PRKG1: variants seen among roughly 807,000 people sequenced by gnomAD.
The protein encoded by PRKG1 is protein kinase cGMP-dependent 1.
Under a neutral mutation model 88.1 loss-of-function variants are expected in PRKG1, and 35 were observed. That is an observed-to-expected ratio of 0.40 (90% CI 0.30 to 0.53). The LOEUF (loss-of-function observed/expected upper bound fraction) is 0.53, where lower values mean the gene tolerates loss of function less well. PRKG1 is among the 20% of genes least tolerant of loss of function. The pLI, the probability that PRKG1 is intolerant of heterozygous loss-of-function variation, is 0.59. For missense variants in PRKG1, 540 were observed against 839.8 expected (o/e 0.64, Z 4.41); for synonymous variants, 303 against 292.5 (o/e 1.04, Z -0.37).
At chr10:51,128,374 G>A (rs768922732) in intron 1 of PRKG1, among the ~76,000 whole-genome samples, 3 of 152,104 alleles carry the variant, frequency 2.0e-5, no homozygotes, top group Non-Finnish European at 2.9e-5. Flanking sequence ...TTAAGAATAC[G>A]TTCATTATTT....
At chr10:52,259,743 A>G (rs1411093718) in intron 10 of PRKG1, among the ~76,000 whole-genome samples, 1 of 152,092 alleles carries the variant, frequency 6.6e-6, no homozygotes, top group African/African-American at 2.4e-5. Flanking sequence ...AGTTAAACAA[A>G]GGAGAGCCAC....
At chr10:51,416,403 A>G (rs1203097355) in intron 2 of PRKG1, among the ~76,000 whole-genome samples, 1 of 152,142 alleles carries the variant, frequency 6.6e-6, no homozygotes, top group Non-Finnish European at 1.5e-5. Context: ...ATATAATGAA[A>G]ACTTCTGGAT....
intron 10 of PRKG1, among the ~76,000 whole-genome samples, chr10:52,267,717 A>T (rs979032377): frequency 6.6e-6 from 1 of 152,034 alleles, no homozygotes; most frequent in Non-Finnish European, 1.5e-5. Context: ...ATGCATGCTG[A>T]CTTGTAATCA....
intron 9 of PRKG1, among the ~76,000 whole-genome samples, chr10:52,205,340 G>T (rs1839791740): frequency 6.6e-6 from 1 of 152,052 alleles, no homozygotes; most frequent in Non-Finnish European, 1.5e-5. Flanking sequence ...TATGGCTCAG[G>T]GGGCATCACA....
chr10:51,614,823 T>C (rs750826463), intron 3 of PRKG1, among the ~76,000 whole-genome samples: 56 of 152,224 alleles, frequency 3.7e-4, no homozygotes, highest in South Asian at 1.2e-3. Flanking sequence ...TCTCAAGTTT[T>C]GCTTGTCTGG....
intron 4 of PRKG1, among the ~76,000 whole-genome samples, chr10:51,856,833 C>T (rs1470663198): frequency 6.6e-6 from 1 of 151,826 alleles, no homozygotes; most frequent in Non-Finnish European, 1.5e-5. Context: ...GGCATGGTGG[C>T]GGGTGCCTTA....
At chr10:51,357,526 G>A (rs1255884903) in intron 2 of PRKG1, among the ~76,000 whole-genome samples, 1 of 151,910 alleles carries the variant, frequency 6.6e-6, no homozygotes, top group African/African-American at 2.4e-5. Context: ...CGGACATTCA[G>A]TTAAGGCAAC....
intron 7 of PRKG1, among the ~76,000 whole-genome samples, chr10:52,066,153 A>AT (rs1245486953): frequency 1.3e-5 from 2 of 151,590 alleles, no homozygotes; most frequent in African/African-American, 4.9e-5. Flanking sequence ...TGGTCCTTTT[A>AT]TTTTTTTCTT....
chr10:51,604,130 A>G (rs1300320406), intron 3 of PRKG1, among the ~76,000 whole-genome samples: 10 of 146,564 alleles, frequency 6.8e-5, no homozygotes, highest in Admixed American at 3.4e-4. Flanking sequence ...CCTCTTCCTT[A>G]CCACACCAGT....
intron 3 of PRKG1, among the ~76,000 whole-genome samples, chr10:51,695,278 T>C (rs1841258859): frequency 1.3e-5 from 2 of 152,170 alleles, no homozygotes; most frequent in Non-Finnish European, 2.9e-5. Flanking sequence ...ATGTTGCTTA[T>C]ACCAACCACA....
intron 2 of PRKG1, among the ~76,000 whole-genome samples, chr10:51,338,463 C>T (rs1159672922): frequency 2.6e-5 from 4 of 152,008 alleles, no homozygotes; most frequent in African/African-American, 9.7e-5. Flanking sequence ...AGGGGTTAGC[C>T]ACACTGAAAC....
At chr10:52,154,315 A>T (rs1392390655) in intron 8 of PRKG1, among the ~76,000 whole-genome samples, 24 of 152,168 alleles carry the variant, frequency 1.6e-4, no homozygotes, top group Admixed American at 1.5e-3. Flanking sequence ...CAGTAACAGA[A>T]ATCTGTACCC....
At chr10:51,643,566 T>C (rs1218964029) in intron 3 of PRKG1, among the ~76,000 whole-genome samples, 2 of 152,186 alleles carry the variant, frequency 1.3e-5, no homozygotes, top group Non-Finnish European at 2.9e-5. Context: ...ATTTGGAAAA[T>C]GACAAGCTTG....
At chr10:51,814,348 C>G (rs972840520) in intron 4 of PRKG1, among the ~76,000 whole-genome samples, 2 of 152,126 alleles carry the variant, frequency 1.3e-5, no homozygotes, top group Non-Finnish European at 2.9e-5. Flanking sequence ...AATGATTTCC[C>G]TTTCCCCATA....
chr10:52,024,269 GA>G (rs1392660059), intron 5 of PRKG1, among the ~76,000 whole-genome samples: 6 of 151,202 alleles, frequency 4.0e-5, no homozygotes, highest in African/African-American at 1.5e-4. Context: ...CACAGAATTG[GA>G]AAAAACTACT....
At chr10:51,726,839 C>G (rs1389661141) in intron 3 of PRKG1, among the ~76,000 whole-genome samples, 1 of 152,096 alleles carries the variant, frequency 6.6e-6, no homozygotes. Flanking sequence ...TGCAGTGGCA[C>G]GATCTCCTCT....
At position 51,572,475 on chromosome 10, in the gene PRKG1, A is replaced by G. The variant is rs539425455; in HGVS notation, c.592+104639A>G. Among the ~76,000 whole-genome samples the G allele has an allele frequency of 9.2e-5, 14 of 152,004 alleles. No individual in the cohort carries two copies. In the South Asian group the frequency reaches 2.9e-3, roughly 31 times the overall value. On this transcript the variant is annotated intron_variant, in intron 3 of 17. Coordinates refer to ENST00000373980, the MANE Select transcript of PRKG1 (RefSeq NM_006258.4). ...GAATCTGGGAATTATGAAGTGTTTAATGCTGAAAGATGCCTTAGACATTAT... is the reference window on the plus strand; with the variant it reads ...GAATCTGGGAATTATGAAGTGTTTAGTGCTGAAAGATGCCTTAGACATTAT...
chr10:51,515,833 G>A (rs992219014), intron 3 of PRKG1, among the ~76,000 whole-genome samples: 18 of 152,122 alleles, frequency 1.2e-4, no homozygotes, highest in Admixed American at 1.0e-3. Flanking sequence ...GGCAGGAACC[G>A]GCCGACCACT....
At chr10:51,216,519 A>C (rs1838375993) in intron 2 of PRKG1, among the ~76,000 whole-genome samples, 1 of 146,692 alleles carries the variant, frequency 6.8e-6, no homozygotes, top group Non-Finnish European at 1.5e-5. Flanking sequence ...GTTTTAAAAA[A>C]CCCGAATATA....
Sources: gnomAD v4.1 joint callset for allele counts (sites outside exome capture counted in the v4.1 genomes callset) on GRCh38, gnomAD v4.1.1 for gene constraint, MANE v1.5 for transcripts, NCBI Gene and HGNC (gene_info 2026-07-23, HGNC 2026-07-21) for gene names.